GPR137C: variants seen among roughly 807,000 people sequenced by gnomAD.
GPR137C encodes the protein G protein-coupled receptor 137C, also known as integral membrane protein GPR137C.
Under a neutral mutation model 43.4 loss-of-function variants are expected in GPR137C, and 27 were observed. The observed-to-expected ratio is 0.62, with a 90% CI of 0.46 to 0.86. The LOEUF (loss-of-function observed/expected upper bound fraction) is 0.86. Ranked by LOEUF, GPR137C falls within the 40% of genes least tolerant of loss-of-function variation. The pLI is 0.00. For missense variants in GPR137C, 522 were observed against 534.6 expected (o/e 0.98, Z 0.23); for synonymous variants, 285 against 226.9 (o/e 1.26, Z -2.30).
Position 52,577,858 on chromosome 14 carries a change from C to G in GPR137C, c.445-20414C>G, listed in dbSNP as rs577330201. ...GGCATGCACCTGTAAGTCCCAGCTA[C>G]TGAGGCTGAGGTGGGAGGATCGCTT... On this transcript the variant is annotated intron_variant, in intron 1 of 6. Coordinates refer to ENST00000321662, the MANE Select transcript of GPR137C (RefSeq NM_001099652.2). Among the ~76,000 whole-genome samples, 4 of 151,150 alleles carry G rather than the reference C, an allele frequency of 2.6e-5. No homozygotes were observed. The South Asian group carries it at 8.4e-4, about 32-fold the overall frequency.
intron 1 of GPR137C, among the ~76,000 whole-genome samples, chr14:52,558,234 G>C (rs531253933): frequency 5.2e-4 from 79 of 152,280 alleles, no homozygotes; most frequent in African/African-American, 1.8e-3. Context: ...TGAAGGTGTA[G>C]GGAGGTGTCG....
chr14:52,603,760 A>C (rs1594799417), intron 3 of GPR137C, among the ~76,000 whole-genome samples: 1 of 151,744 alleles, frequency 6.6e-6, no homozygotes, highest in Non-Finnish European at 1.5e-5. Flanking sequence ...GCTGGTCTCA[A>C]CCTCCTGACC....
chr14:52,612,416 C>T (rs1351903215), intron 3 of GPR137C: 4 of 980,906 alleles, frequency 4.1e-6, no homozygotes, highest in Non-Finnish European at 4.8e-6. Context: ...ATGTCAGCCT[C>T]CATAATGTTA....
intron 1 of GPR137C, among the ~76,000 whole-genome samples, chr14:52,567,117 AAAAG>A (rs1193624269): frequency 2.0e-5 from 3 of 151,962 alleles, no homozygotes; most frequent in Non-Finnish European, 4.4e-5. Context: ...CGTCTGAAAA[AAAAG>A]AAAAGAACTC....
chr14:52,616,819 T>A (rs2039105188), intron 3 of GPR137C, among the ~76,000 whole-genome samples: 1 of 152,184 alleles, frequency 6.6e-6, no homozygotes, highest in African/African-American at 2.4e-5. Context: ...CTCAGCCCAA[T>A]CCAGATCATT....
chr14:52,610,077 T>G (rs1232353466), intron 3 of GPR137C, among the ~76,000 whole-genome samples: 1 of 152,260 alleles, frequency 6.6e-6, no homozygotes, highest in Non-Finnish European at 1.5e-5. Flanking sequence ...ATGGCTTCTT[T>G]GCATTCAGGC....
Position 52,598,271 on chromosome 14 carries a change from G to A in GPR137C, c.445-1G>A. The A allele has an allele frequency of 7.6e-7, 1 of 1,320,310 alleles. No homozygotes were observed. The highest frequency in any genetic ancestry group is 1.0e-6 in the Non-Finnish European group (1 of 961,114). The allele number at this position is 1,320,310 out of a possible 1,614,324, so 81.8% of individuals were successfully genotyped here. Reference sequence around the variant, plus strand: ...ATTTTTTTTTTATATTCTCTTTATAGGTTATATGTAAAGTCAGATGTGCCA... The same window carrying A: ...ATTTTTTTTTTATATTCTCTTTATAAGTTATATGTAAAGTCAGATGTGCCA... On this transcript the variant is annotated splice_acceptor_variant, in intron 1 of 6. Coordinates refer to ENST00000321662, the MANE Select transcript of GPR137C (RefSeq NM_001099652.2). LOFTEE classifies it high-confidence loss of function.
At chr14:52,593,924 G>C (rs2139512571) in intron 1 of GPR137C, among the ~76,000 whole-genome samples, 1 of 152,130 alleles carries the variant, frequency 6.6e-6, no homozygotes, top group Non-Finnish European at 1.5e-5. Context: ...TGTGATGTTA[G>C]GGTGTCCATT....
chr14:52,608,543 TATA>T (rs1300968675), intron 3 of GPR137C, among the ~76,000 whole-genome samples: 1 of 152,208 alleles, frequency 6.6e-6, no homozygotes, highest in African/African-American at 2.4e-5. Context: ...GCATCATGAT[TATA>T]ATATTAGTGT....
chr14:52,557,928 C>T lies in GPR137C; in HGVS notation c.444+4337C>T, dbSNP rs1415906133. On this transcript the variant is annotated intron_variant, in intron 1 of 6. Coordinates refer to ENST00000321662, the MANE Select transcript of GPR137C (RefSeq NM_001099652.2). ...TCCCGTTTTTCACATGGTTTCAAAC[C>T]TTTTCCACTGTCTAGCAAACTCTTT... Among the ~76,000 whole-genome samples, 3 of 152,202 alleles carry T rather than the reference C, an allele frequency of 2.0e-5. No individual in the cohort carries two copies. In the East Asian group the frequency reaches 5.8e-4, roughly 29 times the overall value.
At chr14:52,632,376 A>C in intron 4 of GPR137C, 67 bp downstream of exon 4, 2 of 1,138,030 alleles carry the variant, frequency 1.8e-6, no homozygotes, top group Non-Finnish European at 2.5e-6. Context: ...CTAGAAGAAC[A>C]CTGTAGTGTT....
At chr14:52,591,840 T>G (rs1218163183) in intron 1 of GPR137C, among the ~76,000 whole-genome samples, 1 of 152,170 alleles carries the variant, frequency 6.6e-6, no homozygotes, top group Non-Finnish European at 1.5e-5. Context: ...TAGATCCCAT[T>G]TGTATATTTT....
rs200798761 is a variant in GPR137C, at chr14:52,624,497, A to G, written c.718-7663A>G. Among the ~76,000 whole-genome samples the G allele has an allele frequency of 3.3e-5, 5 of 152,006 alleles. No individual in the cohort carries two copies. In the East Asian group the frequency reaches 5.8e-4, roughly 18 times the overall value. Reference sequence around the variant, plus strand: ...TGGTGGCTTTGGGAGGCTGAGGCAGACAGACAGTTTGAACTCAGGATTTTG... The same window carrying G: ...TGGTGGCTTTGGGAGGCTGAGGCAGGCAGACAGTTTGAACTCAGGATTTTG... On this transcript the variant is annotated intron_variant, in intron 3 of 6. Coordinates refer to ENST00000321662, the MANE Select transcript of GPR137C (RefSeq NM_001099652.2).
At chr14:52,631,880 C>T (rs2039297719) in intron 3 of GPR137C, among the ~76,000 whole-genome samples, 1 of 150,946 alleles carries the variant, frequency 6.6e-6, no homozygotes, top group Non-Finnish European at 1.5e-5. Context: ...CTTTTGCCAA[C>T]TTGTTTATTC....
chr14:52,623,670 C>CATAATATTTTTTA (rs988407108), intron 3 of GPR137C, among the ~76,000 whole-genome samples: 1 of 151,954 alleles, frequency 6.6e-6, no homozygotes, highest in African/African-American at 2.4e-5. Flanking sequence ...AAAGAGGCTT[C>CATAATATTTTTTA]ATAATATTTT....
At chr14:52,588,656 A>T (rs921965562) in intron 1 of GPR137C, among the ~76,000 whole-genome samples, 1 of 152,240 alleles carries the variant, frequency 6.6e-6, no homozygotes, top group East Asian at 1.9e-4. Context: ...GAAAGAAGTG[A>T]AGATTAAAAG....
chr14:52,586,000 A>G (rs2038708949), intron 1 of GPR137C, among the ~76,000 whole-genome samples: 1 of 152,214 alleles, frequency 6.6e-6, no homozygotes, highest in East Asian at 1.9e-4. Flanking sequence ...CTGCGCATGC[A>G]GTGGGGAATG....
chr14:52,630,030 G>A (rs758634047), intron 3 of GPR137C, among the ~76,000 whole-genome samples: 2 of 152,074 alleles, frequency 1.3e-5, no homozygotes, highest in East Asian at 1.9e-4. Context: ...GGTTTTCTTC[G>A]ACTTTCGATA....
intron 3 of GPR137C, among the ~76,000 whole-genome samples, chr14:52,610,047 T>C (rs1468541115): frequency 6.6e-6 from 1 of 152,202 alleles, no homozygotes; most frequent in Non-Finnish European, 1.5e-5. Context: ...TAAATTGCAT[T>C]TTCTACAGGT....
Sources: allele counts gnomAD v4.1 joint callset (sites outside exome capture counted in the v4.1 genomes callset), GRCh38; gene constraint gnomAD v4.1.1; transcripts MANE v1.5; gene names NCBI Gene and HGNC (gene_info 2026-07-23, HGNC 2026-07-21).